Variants in ERC1 observed in about 807,000 individuals in gnomAD.
ERC1 encodes the protein RAB6 interacting protein 2.
A neutral mutation model predicts 132.0 loss-of-function variants in ERC1; 56 were observed. The observed-to-expected ratio is 0.42, with a 90% CI of 0.34 to 0.53. ERC1 has a LOEUF of 0.53. ERC1 is among the 20% of genes least tolerant of loss of function. The pLI, the probability that ERC1 is intolerant of heterozygous loss-of-function variation, is 0.03. For missense variants in ERC1, 1,202 were observed against 1,349.9 expected, an observed-to-expected ratio of 0.89 and a Z score of 1.72; for synonymous variants, 478 against 476.1, an observed-to-expected ratio of 1.00 and a Z score of -0.05.
chr12:1,097,619 T>G (rs926347575), intron 3 of ERC1, among the ~76,000 whole-genome samples: 5 of 152,182 alleles, frequency 3.3e-5, no homozygotes, highest in African/African-American at 9.6e-5. Flanking sequence ...ATGCACAGCT[T>G]AGTATTTGGC....
chr12:1,063,387 G>C lies in ERC1; in HGVS notation c.670-19777G>C, dbSNP rs571471605. Among the ~76,000 whole-genome samples, 382 of 152,088 alleles carry C rather than the reference G, an allele frequency of 2.5e-3. 2 individuals are homozygous for C. Among genetic ancestry groups the C allele is most frequent in the Middle Eastern group, 6.8e-3 (2 of 294 alleles). The stretch of plus-strand genomic sequence containing the variant: ...GTGATGCCCCTGCCTCAGCCTCCTG[G>C]GTATCTGGGATTACAGGCATGTGCC... On this transcript the variant is annotated intron_variant, in intron 2 of 18. Coordinates refer to ENST00000360905, the MANE Select transcript of ERC1 (RefSeq NM_178040.4).
At chr12:1,039,940 G>C (rs1000618933) in intron 2 of ERC1, among the ~76,000 whole-genome samples, 3 of 152,188 alleles carry the variant, frequency 2.0e-5, no homozygotes, top group African/African-American at 7.2e-5. Context: ...TTGGTTCTCT[G>C]TCTTTATTGT....
At chr12:1,205,450 A>G (rs1392226050) in intron 12 of ERC1, among the ~76,000 whole-genome samples, 1 of 151,514 alleles carries the variant, frequency 6.6e-6, no homozygotes, top group Non-Finnish European at 1.5e-5. Flanking sequence ...TGCTGTTTAT[A>G]AAAGCACCTC....
At chr12:1,002,490 T>A (rs1962587400) in intron 1 of ERC1, among the ~76,000 whole-genome samples, 1 of 152,060 alleles carries the variant, frequency 6.6e-6, no homozygotes, top group Admixed American at 6.6e-5. Flanking sequence ...CCTTGCCTTG[T>A]GCAAGTCTTT....
intron 15 of ERC1, among the ~76,000 whole-genome samples, chr12:1,348,521 C>A (rs933201131): frequency 2.6e-5 from 4 of 151,938 alleles, no homozygotes; most frequent in Admixed American, 6.6e-5. Flanking sequence ...GGTGAAACCC[C>A]GTCTCTACCA....
chr12:1,237,168 T>C (rs1190531246), intron 13 of ERC1, among the ~76,000 whole-genome samples: 2 of 152,196 alleles, frequency 1.3e-5, no homozygotes, highest in African/African-American at 4.8e-5. Flanking sequence ...GTAAGTTCAA[T>C]GACAGTTTAA....
chr12:1,445,829 G>A lies in ERC1; in HGVS notation c.3213+1079G>A, dbSNP rs186113364. Among the ~76,000 whole-genome samples, 204 of 152,356 alleles carry A rather than the reference G, an allele frequency of 1.3e-3. 1 individual carries two copies. The highest frequency in any genetic ancestry group is 4.4e-3 in the Admixed American group (68 of 15,312). On this transcript the variant is annotated intron_variant, in intron 18 of 18. Transcript: ENST00000360905. ...CGGTAGCCACTGAAGGAAAGTCTGA[G>A]TAGTTTAGGTTAATCCCATGTCTTA...
intron 1 of ERC1, among the ~76,000 whole-genome samples, chr12:1,004,980 T>C (rs1963296899): frequency 6.6e-6 from 1 of 152,106 alleles, no homozygotes; most frequent in Non-Finnish European, 1.5e-5. Context: ...TCCCAGAGAC[T>C]CATAGGGGTT....
At chr12:1,237,226 A>G (rs1169284148) in intron 13 of ERC1, among the ~76,000 whole-genome samples, 1 of 152,172 alleles carries the variant, frequency 6.6e-6, no homozygotes, top group East Asian at 1.9e-4. Flanking sequence ...CCTCTTTGCC[A>G]GTTCCATTCA....
intron 18 of ERC1, among the ~76,000 whole-genome samples, chr12:1,468,038 C>G (rs1029450072): frequency 6.6e-6 from 1 of 152,188 alleles, no homozygotes; most frequent in Non-Finnish European, 1.5e-5. Flanking sequence ...GGGCCTGGAC[C>G]AGTACACGGA....
At chr12:1,287,229 C>T (rs1318843130) in intron 14 of ERC1, among the ~76,000 whole-genome samples, 3 of 152,294 alleles carry the variant, frequency 2.0e-5, no homozygotes, top group African/African-American at 7.2e-5. Flanking sequence ...ACCCCTGCCT[C>T]ATACCATATA....
chr12:1,484,076 C>A lies in ERC1; in HGVS notation c.3214-6017C>A, dbSNP rs1455971843. Among the ~76,000 whole-genome samples, 24 of 151,020 alleles carry A rather than the reference C, an allele frequency of 1.6e-4. 1 individual carries two copies. The South Asian group carries it at 4.8e-3, about 30-fold the overall frequency. ...ATCCCAGCACTTTGGGAGGCTGAGG[C>A]GGGCGGATCACGAGGTCAGGAGATC... On this transcript the variant is annotated intron_variant, in intron 18 of 18. Transcript: ENST00000360905.
intron 17 of ERC1, among the ~76,000 whole-genome samples, chr12:1,440,609 T>C (rs1379501846): frequency 3.5e-5 from 1 of 28,786 alleles, no homozygotes; most frequent in Non-Finnish European, 6.8e-5. Flanking sequence ...TTTGTGTGTG[T>C]GTGTGTGTGT....
chr12:1,061,096 TC>T, intron 2 of ERC1, among the ~76,000 whole-genome samples: 1 of 152,276 alleles, frequency 6.6e-6, no homozygotes, highest in South Asian at 2.1e-4. Flanking sequence ...CACTGCTTCT[TC>T]CTGGTCCGAT....
At chr12:1,366,005 C>T (rs1591558650) in intron 15 of ERC1, among the ~76,000 whole-genome samples, 1 of 152,160 alleles carries the variant, frequency 6.6e-6, no homozygotes, top group Non-Finnish European at 1.5e-5. Flanking sequence ...TGTGAGGCAC[C>T]TACAGAAGTC....
intron 2 of ERC1, among the ~76,000 whole-genome samples, chr12:1,056,954 C>T (rs769805773): frequency 6.6e-6 from 1 of 152,066 alleles, no homozygotes; most frequent in Non-Finnish European, 1.5e-5. Flanking sequence ...CCTCCTGTAT[C>T]AATGATACAA....
chr12:1,005,045 CTT>C lies in ERC1; in HGVS notation c.-157+13726_-157+13727del, dbSNP rs1253732069. On this transcript the variant is annotated intron_variant, in intron 1 of 18. Transcript: ENST00000360905. ...ACATCTTCAGATGCCACGTAGGTGA[CTT>C]TTCTACCTTCATGGTAGTATTCACT... Among the ~76,000 whole-genome samples, 4 of 152,124 alleles carry C rather than the reference CTT, an allele frequency of 2.6e-5. No individual in the cohort carries two copies. In the East Asian group the frequency reaches 7.7e-4, roughly 29 times the overall value.
At chr12:1,344,726 C>A (rs1249704152) in intron 15 of ERC1, among the ~76,000 whole-genome samples, 1 of 152,142 alleles carries the variant, frequency 6.6e-6, no homozygotes, top group Non-Finnish European at 1.5e-5. Flanking sequence ...AGATTCCTGT[C>A]TGTAAGAGAG....
chr12:1,051,079 A>G (rs16932151), intron 2 of ERC1, among the ~76,000 whole-genome samples: 23,366 of 152,150 alleles, frequency 0.15, 2,273 homozygotes, highest in African/African-American at 0.27. Flanking sequence ...CGATTCTGAT[A>G]CAGATAGTTT....
Sources: allele counts gnomAD v4.1 joint callset (sites outside exome capture counted in the v4.1 genomes callset), GRCh38; gene constraint gnomAD v4.1.1; transcripts MANE v1.5; gene names NCBI Gene and HGNC (gene_info 2026-07-23, HGNC 2026-07-21).